Variants in COL26A1 observed in about 807,000 individuals in gnomAD.
COL26A1 encodes the protein collagen type XXVI alpha 1 chain.
In COL26A1, 41 loss-of-function variants were observed where a neutral mutation model predicts 59.3. The observed-to-expected ratio is 0.69, with a 90% confidence interval of 0.54 to 0.90. The LOEUF (loss-of-function observed/expected upper bound fraction) is 0.90, where lower values mean the gene tolerates loss of function less well. Among genes scored for constraint, COL26A1 ranks in the 40% least tolerant of loss-of-function variants. The pLI is 0.00. For synonymous variants in COL26A1, 266 were observed against 256.0 expected (o/e 1.04, Z -0.37); for missense variants, 612 against 602.3 (o/e 1.02, Z -0.17).
At chr7:101,555,170 T>G (rs1241888861) in intron 11 of COL26A1, among the ~76,000 whole-genome samples, 1 of 152,120 alleles carries the variant, frequency 6.6e-6, no homozygotes, top group Non-Finnish European at 1.5e-5. Flanking sequence ...CTTGGCTGAC[T>G]CAGGTGTCTC....
chr7:101,545,241 A>G, intron 6 of COL26A1, 97 bp from the exon 7 acceptor site: 1 of 1,189,506 alleles, frequency 8.4e-7, no homozygotes, highest in Non-Finnish European at 1.1e-6. Flanking sequence ...CCCCTGACCA[A>G]CCCTGTTTCT....
chr7:101,498,940 C>T (rs1019743403), intron 3 of COL26A1, among the ~76,000 whole-genome samples: 14 of 152,296 alleles, frequency 9.2e-5, no homozygotes, highest in African/African-American at 3.1e-4. Flanking sequence ...AGCCGATCCC[C>T]GCACAAAACT....
intron 3 of COL26A1, among the ~76,000 whole-genome samples, chr7:101,511,259 C>T (rs571509149): frequency 1.5e-3 from 235 of 152,330 alleles, no homozygotes; most frequent in Non-Finnish European, 2.6e-3. Flanking sequence ...CAGGTGGTGG[C>T]GCACGGGCAG....
chr7:101,410,928 C>T (rs534863022), intron 1 of COL26A1, among the ~76,000 whole-genome samples: 1 of 152,214 alleles, frequency 6.6e-6, no homozygotes, highest in South Asian at 2.1e-4. Flanking sequence ...CTGGGCAAAC[C>T]TTAGTTCTAA....
intron 2 of COL26A1, among the ~76,000 whole-genome samples, chr7:101,429,476 A>G (rs1792725825): frequency 6.6e-6 from 1 of 151,710 alleles, no homozygotes; most frequent in Admixed American, 6.6e-5. Context: ...TGATCTGTGT[A>G]ACTAGTGTTT....
At position 101,476,550 on chromosome 7, in the gene COL26A1, C is replaced by CTT. The variant is rs557412315; in HGVS notation, c.385+28777_385+28778dup. Among the ~76,000 whole-genome samples, 683 of 143,910 alleles carry CTT rather than the reference C, an allele frequency of 4.7e-3. 2 individuals are homozygous for CTT. The highest frequency in any genetic ancestry group is 0.015 in the South Asian group (69 of 4,500). The allele number at this position is 143,910 out of a possible 152,430, so 94.4% of individuals were successfully genotyped here. On this transcript the variant is annotated intron_variant, in intron 3 of 12. Transcript: ENST00000313669. ...CGGGTTACTTCTGGTTACTTGGTTA[C>CTT]TTTTTTTTTTTTTTTGAGACGGAGT...
rs998533128 is a variant in COL26A1, at chr7:101,549,287, C to T, written c.993+64C>T. On this transcript the variant is annotated intron_variant, in intron 9 of 12. Coordinates refer to ENST00000313669, the MANE Select transcript of COL26A1 (RefSeq NM_001278563.3). ...GCGGGTGGCGGGTGGCCTTGTCTCC[C>T]TAGGGGAGAAGAAGCACCTTTTTAC... is the stretch of plus-strand genomic sequence containing the variant. 11 of 1,154,716 alleles carry T rather than the reference C, an allele frequency of 9.5e-6. No homozygotes were observed. The African/African-American group carries it at 1.4e-4, about 15-fold the overall frequency. The allele number at this position is 1,154,716 out of a possible 1,614,324, so 71.5% of individuals were successfully genotyped here. A position where few individuals can be genotyped will look rare whatever the true frequency, so the allele number is the denominator to read the frequency against.
At chr7:101,363,762 A>T (rs1790970505) in intron 1 of COL26A1, among the ~76,000 whole-genome samples, 1 of 150,740 alleles carries the variant, frequency 6.6e-6, no homozygotes, top group African/African-American at 2.5e-5. Context: ...GGTGGTTCCG[A>T]CCGCCGTGGC....
chr7:101,390,993 C>T (rs1429771500), intron 1 of COL26A1, among the ~76,000 whole-genome samples: 2 of 152,308 alleles, frequency 1.3e-5, no homozygotes, highest in African/African-American at 4.8e-5. Context: ...TTGGCCTGTG[C>T]CCTTTGCCTC....
At chr7:101,488,041 G>A (rs1794305040) in intron 3 of COL26A1, among the ~76,000 whole-genome samples, 1 of 151,992 alleles carries the variant, frequency 6.6e-6, no homozygotes, top group African/African-American at 2.4e-5. Flanking sequence ...GGAAGGTCAA[G>A]GCAGGCAGAT....
At chr7:101,475,660 G>A (rs1794014024) in intron 3 of COL26A1, among the ~76,000 whole-genome samples, 1 of 151,944 alleles carries the variant, frequency 6.6e-6, no homozygotes, top group Non-Finnish European at 1.5e-5. Flanking sequence ...TTTCCGTGTT[G>A]TTGTGATGTG....
At chr7:101,410,686 GGTGTGTGTGTGTGT>G (rs3072481) in intron 1 of COL26A1, among the ~76,000 whole-genome samples, 1 of 149,604 alleles carries the variant, frequency 6.7e-6, no homozygotes, top group Non-Finnish European at 1.5e-5. Context: ...GGCTAATTTT[GGTGTGTGTGTGTGT>G]GTGTGTGTGT....
chr7:101,404,915 TAAAC>T (rs754498575), intron 1 of COL26A1, among the ~76,000 whole-genome samples: 55 of 148,028 alleles, frequency 3.7e-4, no homozygotes, highest in African/African-American at 1.2e-3. Context: ...AATAAATAAA[TAAAC>T]AAATAAATAA....
chr7:101,414,937 G>A (rs117304480), intron 1 of COL26A1, among the ~76,000 whole-genome samples: 2,830 of 152,294 alleles, frequency 0.019, 35 homozygotes, highest in Non-Finnish European at 0.028. Flanking sequence ...TCCCTTTGCA[G>A]CTCAGCCTGT....
intron 12 of COL26A1, among the ~76,000 whole-genome samples, chr7:101,556,941 A>G (rs960650357): frequency 6.6e-6 from 1 of 151,104 alleles, no homozygotes; most frequent in Non-Finnish European, 1.5e-5. Flanking sequence ...AGATGCATAG[A>G]TGAATCAATG....
At chr7:101,490,700 CA>C (rs1279391354) in intron 3 of COL26A1, among the ~76,000 whole-genome samples, 1 of 143,914 alleles carries the variant, frequency 6.9e-6, no homozygotes, top group Non-Finnish European at 1.5e-5. Context: ...GACTCTATCT[CA>C]AAAAAAAAGG....
chr7:101,367,678 A>G (rs1175267416), intron 1 of COL26A1, among the ~76,000 whole-genome samples: 1 of 137,080 alleles, frequency 7.3e-6, no homozygotes, highest in Admixed American at 7.4e-5. Context: ...AAAGAAAAAA[A>G]AAAAAAAAAA....
intron 3 of COL26A1, among the ~76,000 whole-genome samples, chr7:101,480,723 G>A (rs1446500113): frequency 6.6e-6 from 1 of 152,070 alleles, no homozygotes; most frequent in Non-Finnish European, 1.5e-5. Flanking sequence ...GGCTGGTCTC[G>A]AACTCTTGGG....
rs548912013 is a variant in COL26A1, at chr7:101,557,773, G to A, written c.*243G>A. The stretch of plus-strand genomic sequence containing the variant: ...TACCCCCACTCCCGGCTGGAGACGG[G>A]GTCTGGGTGGGCTGGGTGCTGGGAA... On this transcript the variant is annotated 3_prime_UTR_variant, in exon 13 of 13. Coordinates refer to ENST00000313669, the MANE Select transcript of COL26A1 (RefSeq NM_001278563.3). 1.6e-4 allele frequency: 75 copies of A among 456,900 alleles called. 2 individuals are homozygous for A. The South Asian group carries it at 3.6e-3, about 22-fold the overall frequency. 28.3% of individuals were successfully genotyped at this position (456,900 alleles called of 1,614,324 possible).
Sources: gnomAD v4.1 joint callset for allele counts (sites outside exome capture counted in the v4.1 genomes callset) on GRCh38, gnomAD v4.1.1 for gene constraint, MANE v1.5 for transcripts, NCBI Gene and HGNC (gene_info 2026-07-23, HGNC 2026-07-21) for gene names.